ZNF260: variants seen among roughly 807,000 people sequenced by gnomAD.
ZNF260 encodes zinc finger protein 260.
A neutral mutation model predicts 29.3 loss-of-function variants in ZNF260; 21 were observed. That is an observed-to-expected ratio of 0.72 (90% confidence interval 0.51 to 1.03). The LOEUF is 1.03. Ranked by LOEUF, ZNF260 falls within the 50% of genes least tolerant of loss-of-function variation. ZNF260 has a pLI of 0.00. For synonymous variants in ZNF260, 156 were observed against 156.8 expected, an observed-to-expected ratio of 0.99 and a Z score of 0.04; for missense variants, 465 against 487.8, an observed-to-expected ratio of 0.95 and a Z score of 0.44.
At chr19:36,525,848 T>C (rs1243586450) in intron 1 of ZNF260, among the ~76,000 whole-genome samples, 2 of 151,426 alleles carry the variant, frequency 1.3e-5, no homozygotes, top group Non-Finnish European at 1.5e-5. Flanking sequence ...AGGGACCTTA[T>C]TTTCAGAATT....
intron 2 of ZNF260, among the ~76,000 whole-genome samples, chr19:36,516,163 C>T (rs939930144): frequency 8.5e-5 from 13 of 152,100 alleles, no homozygotes; most frequent in African/African-American, 2.4e-4. Flanking sequence ...TAAGCCACTG[C>T]GCACGGCTGT....
In ZNF260 at chr19:36,525,349, C is replaced by G. The variant is rs900050700; in HGVS notation, c.-656G>C. 2.6e-5 allele frequency: 4 copies of G among 152,138 alleles called. No individual in the cohort carries two copies. The highest frequency in any genetic ancestry group is 9.7e-5 in the African/African-American group (4 of 41,420). The allele number at this position is 152,138 out of a possible 1,614,324, so 9.4% of individuals were successfully genotyped here. A position where few individuals can be genotyped will look rare whatever the true frequency, so the allele number is the denominator to read the frequency against. ...TAGAACTCTAAGAGGTTTTGCAGCTCCTGTGGATATACAAGGAAGCAGGCC... is the reference window on the plus strand; with the variant it reads ...TAGAACTCTAAGAGGTTTTGCAGCTGCTGTGGATATACAAGGAAGCAGGCC... On this transcript the variant is annotated 5_prime_UTR_variant, in exon 2 of 3. Coordinates refer to ENST00000523638, the MANE Select transcript of ZNF260 (RefSeq NM_001166037.2).
Position 36,511,234 on chromosome 19 carries a change from A to G in ZNF260, c.*2766T>C, listed in dbSNP as rs183172471. 13 of 152,320 alleles carry G rather than the reference A, an allele frequency of 8.5e-5. No homozygotes were observed. The highest frequency in any genetic ancestry group is 2.6e-4 in the Admixed American group (4 of 15,300). 9.4% of individuals were successfully genotyped at this position (152,320 alleles called of 1,614,324 possible). On this transcript the variant is annotated 3_prime_UTR_variant, in exon 3 of 3. Transcript: ENST00000523638. ...GTATACCCATTTTCATAATCATTCA[A>G]AAACATCAGGCCGGGCACGGTGGCT...
intron 2 of ZNF260, among the ~76,000 whole-genome samples, chr19:36,523,203 GCA>G (rs1483867336): frequency 6.6e-6 from 1 of 152,086 alleles, no homozygotes; most frequent in African/African-American, 2.4e-5. Context: ...CAGTCAGATT[GCA>G]CACTCTTTAC....
intron 2 of ZNF260, among the ~76,000 whole-genome samples, chr19:36,523,529 T>G (rs2034679276): frequency 6.6e-6 from 1 of 152,064 alleles, no homozygotes; most frequent in South Asian, 2.1e-4. Context: ...ATTGTTTTAA[T>G]TTTCTATCAA....
Position 36,515,483 on chromosome 19 carries a change from T to C in ZNF260, c.-245A>G, listed in dbSNP as rs1285737276. The C allele has an allele frequency of 2.7e-6, 1 of 377,176 alleles. No individual in the cohort carries two copies. The highest frequency in any genetic ancestry group is 4.9e-6 in the Non-Finnish European group (1 of 202,940). The allele number at this position is 377,176 out of a possible 1,614,324, so 23.4% of individuals were successfully genotyped here. On this transcript the variant is annotated 5_prime_UTR_variant, in exon 3 of 3. It adds an upstream start codon to the 5' untranslated region. Coordinates refer to ENST00000523638, the MANE Select transcript of ZNF260 (RefSeq NM_001166037.2). ...AATGGTTCTTATATAGCTTCTCCCA[T>C]ATTTAGGTATAGATTGTATATAAAT...
intron 1 of ZNF260, among the ~76,000 whole-genome samples, chr19:36,525,866 C>T (rs2034725315): frequency 6.6e-6 from 1 of 151,620 alleles, no homozygotes; most frequent in African/African-American, 2.4e-5. Flanking sequence ...ATTTAGGTTA[C>T]ACAGAGAAAC....
At chr19:36,528,166 G>C (rs959178409) in intron 1 of ZNF260, 53 bp downstream of exon 1, 1 of 106,876 alleles carries the variant, frequency 9.4e-6, no homozygotes, top group African/African-American at 3.1e-5. Context: ...AGCGTCCCTG[G>C]CCCGTTTCAG....
At chr19:36,521,739 G>C (rs1163529198) in intron 2 of ZNF260, among the ~76,000 whole-genome samples, 2 of 149,868 alleles carry the variant, frequency 1.3e-5, no homozygotes, top group African/African-American at 4.9e-5. Flanking sequence ...GAGTGACACA[G>C]CAAGACTCTG....
chr19:36,521,380 ACAATG>A (rs2034642825), intron 2 of ZNF260, among the ~76,000 whole-genome samples: 1 of 152,234 alleles, frequency 6.6e-6, no homozygotes, highest in Non-Finnish European at 1.5e-5. Context: ...ACTGTAAATG[ACAATG>A]CTGAACTGAA....
intron 2 of ZNF260, 132 bp downstream of exon 2, chr19:36,525,023 T>C (rs2034710801): frequency 6.6e-6 from 1 of 152,216 alleles, no homozygotes; most frequent in South Asian, 2.1e-4. Context: ...ACAGTCACTC[T>C]AAAAGACAAA....
intron 2 of ZNF260, among the ~76,000 whole-genome samples, chr19:36,520,198 CAAA>C (rs11327751): frequency 6.7e-5 from 6 of 89,678 alleles, no homozygotes; most frequent in Admixed American, 1.2e-4. Context: ...GACTCTGTCT[CAAA>C]AAAAAAAAAA....
rs369962458 is a variant in ZNF260, at chr19:36,513,821, G to A, written c.*179C>T. 3 of 648,254 alleles carry A rather than the reference G, an allele frequency of 4.6e-6. No homozygotes were observed. Among genetic ancestry groups the A allele is most frequent in the South Asian group, 4.2e-5 (2 of 47,394 alleles). The allele number at this position is 648,254 out of a possible 1,614,324, so 40.2% of individuals were successfully genotyped here. A position where few individuals can be genotyped will look rare whatever the true frequency, so the allele number is the denominator to read the frequency against. On this transcript the variant is annotated 3_prime_UTR_variant, in exon 3 of 3. Transcript: ENST00000523638. ...ATAATGCTTGTTGTGGGAGTTTTGG[G>A]GGTACGGGTTTTCTTTACACTATAA...
intron 2 of ZNF260, among the ~76,000 whole-genome samples, chr19:36,524,542 A>ATTTTTT (rs1356484401): frequency 5.3e-4 from 21 of 39,538 alleles, no homozygotes; most frequent in South Asian, 9.9e-4. Context: ...TTTATTGATC[A>ATTTTTT]TTCTTGGGTG....
intron 1 of ZNF260, among the ~76,000 whole-genome samples, chr19:36,525,786 A>C (rs2034724345): frequency 6.6e-6 from 1 of 151,620 alleles, no homozygotes; most frequent in East Asian, 1.9e-4. Context: ...ACTCCATCTC[A>C]AGGAAGGAAA....
In ZNF260 at chr19:36,513,913, C is replaced by T; in HGVS notation, c.*87G>A. 7.0e-7 allele frequency: 1 copy of T among 1,423,376 alleles called. No individual in the cohort carries two copies. Among genetic ancestry groups the T allele is most frequent in the South Asian group, 1.4e-5 (1 of 73,016 alleles). 88.2% of individuals were successfully genotyped at this position (1,423,376 alleles called of 1,614,324 possible). Reference sequence around the variant, plus strand: ...TGAAGGACTTCCCACATTCATGTCACTTTAATGTAAAATGAATTTTCCAAT... The same window carrying T: ...TGAAGGACTTCCCACATTCATGTCATTTTAATGTAAAATGAATTTTCCAAT... On this transcript the variant is annotated 3_prime_UTR_variant, in exon 3 of 3. Coordinates refer to ENST00000523638, the MANE Select transcript of ZNF260 (RefSeq NM_001166037.2).
intron 2 of ZNF260, among the ~76,000 whole-genome samples, chr19:36,524,127 T>C (rs1452697254): frequency 6.6e-6 from 1 of 152,130 alleles, no homozygotes; most frequent in Non-Finnish European, 1.5e-5. Context: ...CTTTGAAAGT[T>C]TTTTTATTGA....
intron 2 of ZNF260, among the ~76,000 whole-genome samples, chr19:36,520,993 G>A (rs2034636293): frequency 1.3e-5 from 2 of 150,424 alleles, no homozygotes; most frequent in Admixed American, 1.3e-4. Context: ...GAGGTAGGAG[G>A]ATTACTTGAG....
intron 2 of ZNF260, among the ~76,000 whole-genome samples, chr19:36,521,802 C>A (rs1292512496): frequency 2.0e-5 from 3 of 151,522 alleles, no homozygotes; most frequent in Admixed American, 1.3e-4. Context: ...GTAATCCCAG[C>A]ACTTTGGGAG....
Sources: allele counts gnomAD v4.1 joint callset (sites outside exome capture counted in the v4.1 genomes callset), GRCh38; gene constraint gnomAD v4.1.1; transcripts MANE v1.5; gene names NCBI Gene and HGNC (gene_info 2026-07-23, HGNC 2026-07-21).